Variants in QSER1 observed in about 807,000 individuals in gnomAD.
QSER1 encodes glutamine and serine rich 1.
QSER1 carries 49 observed loss-of-function variants against 158.5 expected under a neutral mutation model. That is an observed-to-expected ratio of 0.31 (90% CI 0.25 to 0.39). QSER1 has a LOEUF of 0.39. Ranked by LOEUF, QSER1 falls within the 10% of genes least tolerant of loss-of-function variation. QSER1 has a pLI of 1.00. For synonymous variants in QSER1, 650 were observed against 715.5 expected, an observed-to-expected ratio of 0.91 and a Z score of 1.46; for missense variants, 1,754 against 2,010.3, an observed-to-expected ratio of 0.87 and a Z score of 2.44.
intron 1 of QSER1, among the ~76,000 whole-genome samples, chr11:32,898,955 C>T (rs948979434): frequency 6.6e-6 from 1 of 152,218 alleles, no homozygotes; most frequent in Non-Finnish European, 1.5e-5. Context: ...CTCACCCTAT[C>T]CCCACCTCCC....
rs115019309 is a variant in QSER1 at position 32,922,037 on chromosome 11, G to A, written c.210-5120G>A. The stretch of plus-strand genomic sequence containing the variant: ...TTCAATATATAGTGCTGGAACCATC[G>A]CACATTGAAATTTTAAAAATGAGTA... On this transcript the variant is annotated intron_variant, in intron 1 of 12. Coordinates refer to ENST00000650167, the MANE Select transcript of QSER1 (RefSeq NM_001076786.3). Among the ~76,000 whole-genome samples the A allele has an allele frequency of 8.7e-3, 1,324 of 152,140 alleles. 20 individuals carry two copies. The highest frequency in any genetic ancestry group is 0.03 in the African/African-American group (1,264 of 41,496).
In QSER1 at chr11:32,964,731, T is replaced by C. The variant is rs1468236324; in HGVS notation, c.4970-1569T>C. ...AAAAAAAACACCATATATATATATA[T>C]ATATATATACACACACACACACACA... On this transcript the variant is annotated intron_variant, in intron 8 of 12. Coordinates refer to ENST00000650167, the MANE Select transcript of QSER1 (RefSeq NM_001076786.3). Among the ~76,000 whole-genome samples, 11 of 113,082 alleles carry C rather than the reference T, an allele frequency of 9.7e-5. No individual in the cohort carries two copies. In the South Asian group the frequency reaches 1.2e-3, roughly 12 times the overall value. 74.2% of individuals were successfully genotyped at this position (113,082 alleles called of 152,430 possible).
chr11:32,925,518 A>ATTTATTTG (rs1851957752), intron 1 of QSER1, among the ~76,000 whole-genome samples: 1 of 150,046 alleles, frequency 6.7e-6, no homozygotes. Flanking sequence ...TTATTTATTT[A>ATTTATTTG]TTTATTTATT....
At chr11:32,941,967 T>C (rs1333648870) in intron 4 of QSER1, among the ~76,000 whole-genome samples, 35 of 152,092 alleles carry the variant, frequency 2.3e-4, no homozygotes, top group Admixed American at 2.3e-3. Context: ...TTGATTTGCA[T>C]TTCTCTGATG....
At chr11:32,951,835 G>A (rs1461674909) in intron 4 of QSER1, among the ~76,000 whole-genome samples, 2 of 118,816 alleles carry the variant, frequency 1.7e-5, no homozygotes, top group African/African-American at 5.9e-5. Flanking sequence ...TATATTCCTT[G>A]GGATTTTTTT....
intron 7 of QSER1, among the ~76,000 whole-genome samples, chr11:32,956,564 G>T (rs960194755): frequency 6.6e-6 from 1 of 151,994 alleles, no homozygotes; most frequent in Non-Finnish European, 1.5e-5. Context: ...AATTATTATT[G>T]TGTATTAATG....
chr11:32,965,202 C>T (rs1308846220), intron 8 of QSER1, among the ~76,000 whole-genome samples: 1 of 152,150 alleles, frequency 6.6e-6, no homozygotes, highest in Non-Finnish European at 1.5e-5. Flanking sequence ...GTCTCAACCT[C>T]CGGGACTCAA....
chr11:32,973,995 C>A (rs1050658936), intron 11 of QSER1, among the ~76,000 whole-genome samples: 4 of 152,058 alleles, frequency 2.6e-5, no homozygotes, highest in Non-Finnish European at 5.9e-5. Flanking sequence ...AGAACACATT[C>A]CATAAAAAGA....
At position 32,933,914 on chromosome 11, in the gene QSER1, G is replaced by C; in HGVS notation, c.2656G>C (p.Val886Leu). 6.2e-7 allele frequency: 1 copy of C among 1,613,970 alleles called. No homozygotes were observed. Among genetic ancestry groups the C allele is most frequent in the Non-Finnish European group, 8.5e-7 (1 of 1,179,960 alleles). ...QVKASLQAQR[V>L]QSPQQIVHPF... Reference sequence around the variant, plus strand: ...AAAGGCATCTTTACAAGCACAGCGTGTTCAAAGCCCTCAACAAATAGTACA... The same window carrying C: ...AAAGGCATCTTTACAAGCACAGCGTCTTCAAAGCCCTCAACAAATAGTACA... The change falls in exon 4 of 13, where the codon GTT becomes CTT. Residue 886 changes from valine (V) to leucine (L), a missense_variant. Around this residue, in one of 2 missense-constraint regions of QSER1, gnomAD observed 1,707 missense variants for 1,919.6 expected, o/e 0.89. Coordinates refer to ENST00000650167, the MANE Select transcript of QSER1 (RefSeq NM_001076786.3).
chr11:32,966,119 T>G (rs75737417), intron 8 of QSER1, among the ~76,000 whole-genome samples, 181 bp from the exon 9 acceptor site: 2,960 of 152,290 alleles, frequency 0.019, 46 homozygotes, highest in South Asian at 0.039. Flanking sequence ...ACAAAGCTCT[T>G]CAGTCATTGT....
chr11:32,977,072 C>G lies in QSER1; in HGVS notation c.*598C>G, dbSNP rs988284047. On this transcript the variant is annotated 3_prime_UTR_variant, in exon 13 of 13. Coordinates refer to ENST00000650167, the MANE Select transcript of QSER1 (RefSeq NM_001076786.3). ...CTGGATGTGGAATTGGTGCAATTCT[C>G]TGACTGCTTTTTGTGTCAAATTATA... 1.3e-5 allele frequency: 2 copies of G among 152,622 alleles called. No homozygotes were observed. Among genetic ancestry groups the G allele is most frequent in the African/African-American group, 2.4e-5 (1 of 41,444 alleles). The allele number at this position is 152,622 out of a possible 1,614,324, so 9.5% of individuals were successfully genotyped here. A position where few individuals can be genotyped will look rare whatever the true frequency, so the allele number is the denominator to read the frequency against.
chr11:32,976,034 T>C (rs1017454497), intron 12 of QSER1, among the ~76,000 whole-genome samples: 6 of 152,178 alleles, frequency 3.9e-5, no homozygotes, highest in African/African-American at 1.4e-4. Flanking sequence ...AAAGCAAAGA[T>C]GGTGATGCAA....
chr11:32,908,931 G>T (rs553217948), intron 1 of QSER1, among the ~76,000 whole-genome samples: 1 of 152,116 alleles, frequency 6.6e-6, no homozygotes, highest in East Asian at 1.9e-4. Context: ...AGTTTGAGAC[G>T]GGCAGATCTC....
At chr11:32,969,635 T>C (rs899496904) in intron 10 of QSER1, among the ~76,000 whole-genome samples, 7 of 151,954 alleles carry the variant, frequency 4.6e-5, no homozygotes, top group African/African-American at 1.7e-4. Context: ...TAATTTTTCA[T>C]AGAAGCTAAC....
Position 32,978,469 on chromosome 11 carries a change from A to C in QSER1, c.*1995A>C, listed in dbSNP as rs1217951707. 1 of 152,226 alleles carries C rather than the reference A, an allele frequency of 6.6e-6. No homozygotes were observed. Among genetic ancestry groups the C allele is most frequent in the Non-Finnish European group, 1.5e-5 (1 of 68,032 alleles). The allele number at this position is 152,226 out of a possible 1,614,324, so 9.4% of individuals were successfully genotyped here. ...TTACTCTTCCAGCCTACGTTCCTAA[A>C]TCATTGATAATTTAAATATTTTTTA... On this transcript the variant is annotated 3_prime_UTR_variant, in exon 13 of 13. Transcript: ENST00000650167.
chr11:32,963,406 A>T (rs987113890), intron 8 of QSER1, among the ~76,000 whole-genome samples: 1 of 152,068 alleles, frequency 6.6e-6, no homozygotes, highest in Non-Finnish European at 1.5e-5. Context: ...TCCAGGCTGG[A>T]GTGCAGTGGC....
rs781002579 is a variant in QSER1, at chr11:32,933,010, T to A, written c.1752T>A (p.Ser584Arg). 4.3e-6 allele frequency: 7 copies of A among 1,612,438 alleles called. No homozygotes were observed. In the Admixed American group the frequency reaches 1.2e-4, roughly 27 times the overall value. ...SSQSQVLSVV[S>R]LSESYASGES... The stretch of plus-strand genomic sequence containing the variant: ...AATCACAAGTTTTGTCAGTTGTTAG[T>A]CTTTCAGAAAGCTATGCTTCAGGGG... The change falls in exon 4 of 13, where the codon AGT becomes AGA. Residue 584 changes from serine to arginine, a missense_variant. Transcript: ENST00000650167.
At chr11:32,972,881 CACT>C (rs1314162598) in intron 10 of QSER1, among the ~76,000 whole-genome samples, 1 of 152,182 alleles carries the variant, frequency 6.6e-6, no homozygotes, top group African/African-American at 2.4e-5. Context: ...GCCAGAGAAG[CACT>C]ACAGTGCCGC....
In QSER1 at chr11:32,932,327, A is replaced by G. The variant is rs765919443; in HGVS notation, c.1069A>G (p.Thr357Ala). ...NSSVVNFQET[T>A]RQSSLSCSPI... ...AAGTGTAGTTAATTTTCAGGAAACA[A>G]CCAGGCAGTCATCTTTATCCTGTAG... The change falls in exon 4 of 13, where the codon ACC (threonine) becomes GCC (alanine). Residue 357 changes from threonine to alanine, a missense_variant. Around this residue, in one of 2 missense-constraint regions of QSER1, gnomAD observed 1,707 missense variants for 1,919.6 expected, o/e 0.89. Transcript: ENST00000650167. 2 of 1,613,042 alleles carry G rather than the reference A, an allele frequency of 1.2e-6. No individual in the cohort carries two copies. Among genetic ancestry groups the G allele is most frequent in the Middle Eastern group, 1.6e-4 (1 of 6,084 alleles).
Sources: gnomAD v4.1 joint callset for allele counts (sites outside exome capture counted in the v4.1 genomes callset) on GRCh38, gnomAD v4.1.1 for gene constraint, gnomAD v4.1.1 regional missense constraint, MANE v1.5 for transcripts, NCBI Gene and HGNC (gene_info 2026-07-23, HGNC 2026-07-21) for gene names.